The following SRGAP1 variants were observed in gnomAD, a reference collection of about 807,000 sequenced individuals.
SRGAP1 encodes the protein SLIT-ROBO Rho GTPase activating protein 1.
Under a neutral mutation model 121.9 loss-of-function variants are expected in SRGAP1, and 43 were observed. The observed-to-expected ratio is 0.35, with a 90% CI of 0.28 to 0.46. The LOEUF is 0.46. Among genes scored for constraint, SRGAP1 ranks in the 20% least tolerant of loss-of-function variants. The pLI is 1.00. For missense variants in SRGAP1, 1,102 were observed against 1,350.9 expected (o/e 0.82, Z 2.89); for synonymous variants, 447 against 485.4 (o/e 0.92, Z 1.04).
chr12:63,955,055 C>T (rs1006400883), intron 1 of SRGAP1, among the ~76,000 whole-genome samples: 7 of 152,152 alleles, frequency 4.6e-5, no homozygotes, highest in Non-Finnish European at 4.4e-5. Context: ...CGGTGGCTCG[C>T]GCCTATAATC....
At chr12:64,050,673 G>T (rs543821532) in intron 6 of SRGAP1, among the ~76,000 whole-genome samples, 49 of 152,212 alleles carry the variant, frequency 3.2e-4, no homozygotes, top group African/African-American at 1.1e-3. Flanking sequence ...ATTATGTCTG[G>T]ATGATATGTC....
intron 1 of SRGAP1, among the ~76,000 whole-genome samples, chr12:63,916,022 CTTTTCTTTTCTTT>C (rs1248092903): frequency 1.0e-5 from 1 of 97,852 alleles, no homozygotes; most frequent in African/African-American, 3.6e-5. Context: ...GGTGTCTTTT[CTTTTCTTTTCTTT>C]TTTTTTTTTT....
intron 15 of SRGAP1, among the ~76,000 whole-genome samples, chr12:64,098,240 A>G (rs575376886): frequency 6.6e-6 from 1 of 151,736 alleles, no homozygotes; most frequent in East Asian, 1.9e-4. Context: ...CCCCATCCCC[A>G]TCACCTTGGT....
intron 1 of SRGAP1, among the ~76,000 whole-genome samples, chr12:63,890,762 C>T (rs1001034918): frequency 4.6e-5 from 7 of 152,142 alleles, no homozygotes; most frequent in African/African-American, 9.7e-5. Flanking sequence ...CCCCAGGAGA[C>T]GGGCAGTGAT....
intron 1 of SRGAP1, among the ~76,000 whole-genome samples, chr12:63,911,036 A>G (rs1336520592): frequency 6.6e-6 from 1 of 152,200 alleles, no homozygotes; most frequent in East Asian, 1.9e-4. Context: ...GCGGTGGCTC[A>G]TGCCTGTAAT....
At chr12:63,947,883 A>G (rs2032099795) in intron 1 of SRGAP1, among the ~76,000 whole-genome samples, 1 of 152,226 alleles carries the variant, frequency 6.6e-6, no homozygotes, top group African/African-American at 2.4e-5. Context: ...CAATACATTT[A>G]TCGTCTTTTA....
At chr12:63,954,033 C>A (rs144974126) in intron 1 of SRGAP1, among the ~76,000 whole-genome samples, 280 of 152,304 alleles carry the variant, frequency 1.8e-3, no homozygotes, top group African/African-American at 6.4e-3. Flanking sequence ...CAGACATCGT[C>A]TTGGTAGCAG....
chr12:64,017,867 ATAAAT>A (rs2034446308), intron 4 of SRGAP1, among the ~76,000 whole-genome samples: 1 of 152,124 alleles, frequency 6.6e-6, no homozygotes, highest in African/African-American at 2.4e-5. Flanking sequence ...TAAAAATTAA[ATAAAT>A]TAAAACTACT....
chr12:64,125,508 G>A (rs1299140077), intron 18 of SRGAP1, among the ~76,000 whole-genome samples: 2 of 152,096 alleles, frequency 1.3e-5, no homozygotes, highest in Non-Finnish European at 2.9e-5. Context: ...AAGTAAGCCG[G>A]TAAAGCATAA....
At chr12:63,908,626 G>A (rs1221401717) in intron 1 of SRGAP1, among the ~76,000 whole-genome samples, 1 of 152,140 alleles carries the variant, frequency 6.6e-6, no homozygotes, top group African/African-American at 2.4e-5. Context: ...CTGACCTCAA[G>A]TGATCCACCT....
rs576355811 is a variant in SRGAP1 at position 64,132,724 on chromosome 12, C to G, written c.2880+4524C>G. 3.3e-5 allele frequency among the ~76,000 whole-genome samples: 5 copies of G among 152,340 alleles called. 1 individual carries two copies. In the South Asian group the frequency reaches 1.0e-3, roughly 32 times the overall value. The stretch of plus-strand genomic sequence containing the variant: ...GTTTGCTACTTCTTGCTCACTGGAT[C>G]CAGTCAGCATAATGTCATCAATGTA... On this transcript the variant is annotated intron_variant, in intron 21 of 21. Transcript: ENST00000355086.
chr12:63,946,936 A>AT (rs576817613), intron 1 of SRGAP1, among the ~76,000 whole-genome samples: 24 of 150,476 alleles, frequency 1.6e-4, no homozygotes, highest in East Asian at 5.9e-4. Context: ...CTTAGCAAAG[A>AT]TTTTTTTTTT....
intron 1 of SRGAP1, among the ~76,000 whole-genome samples, chr12:63,898,116 G>C (rs1011042373): frequency 5.9e-5 from 9 of 152,218 alleles, no homozygotes; most frequent in African/African-American, 2.2e-4. Context: ...AGAAATTCCT[G>C]TGAAATACAG....
At chr12:64,103,017 A>G (rs1029670399) in intron 15 of SRGAP1, among the ~76,000 whole-genome samples, 15 of 152,066 alleles carry the variant, frequency 9.9e-5, no homozygotes, top group African/African-American at 3.6e-4. Context: ...ACAGGCTCTC[A>G]CTCTGTTGTC....
chr12:63,974,753 C>T (rs926490599), intron 1 of SRGAP1, among the ~76,000 whole-genome samples: 1 of 152,142 alleles, frequency 6.6e-6, no homozygotes, highest in African/African-American at 2.4e-5. Flanking sequence ...CTTAGGGAGT[C>T]ATATTTTCCT....
chr12:63,967,644 T>C (rs568381936), intron 1 of SRGAP1, among the ~76,000 whole-genome samples: 1 of 152,298 alleles, frequency 6.6e-6, no homozygotes, highest in East Asian at 1.9e-4. Context: ...ATTTGACCCC[T>C]GGATTCTTTG....
chr12:64,127,810 G>C, intron 20 of SRGAP1, 51 bp from the exon 21 acceptor site: 1 of 1,599,422 alleles, frequency 6.3e-7, no homozygotes, highest in South Asian at 1.1e-5. Context: ...TTGCAGTACT[G>C]CCCGGTGTGA....
At chr12:64,010,397 G>T (rs2034217935) in intron 3 of SRGAP1, among the ~76,000 whole-genome samples, 1 of 152,086 alleles carries the variant, frequency 6.6e-6, no homozygotes, top group Non-Finnish European at 1.5e-5. Flanking sequence ...TTTCTGGGAG[G>T]TTCTGGGGGT....
intron 4 of SRGAP1, among the ~76,000 whole-genome samples, chr12:64,041,712 C>T (rs528287827): frequency 6.6e-6 from 1 of 151,976 alleles, no homozygotes; most frequent in East Asian, 1.9e-4. Flanking sequence ...GCCATCCCCT[C>T]ACTACAGTAG....
Sources: allele counts gnomAD v4.1 joint callset (sites outside exome capture counted in the v4.1 genomes callset), GRCh38; gene constraint gnomAD v4.1.1; transcripts MANE v1.5; gene names NCBI Gene and HGNC (gene_info 2026-07-23, HGNC 2026-07-21).